The following TASOR variants were observed in gnomAD, a reference collection of about 807,000 sequenced individuals.
TASOR encodes the protein transcription activation suppressor.
Under a neutral mutation model 178.6 loss-of-function variants are expected in TASOR, and 53 were observed. The ratio of observed to expected loss-of-function variants is 0.30; its 90% CI spans 0.24 to 0.37. The LOEUF is 0.37. Among genes scored for constraint, TASOR ranks in the 10% least tolerant of loss-of-function variants. The probability of loss-of-function intolerance (pLI) is 1.00; values close to 1 mark genes in which losing one functional copy is unlikely to be tolerated. For missense variants in TASOR, 1,815 were observed against 1,971.4 expected, an observed-to-expected ratio of 0.92 and a Z score of 1.50; for synonymous variants, 713 against 696.2, an observed-to-expected ratio of 1.02 and a Z score of -0.38.
rs914129517 is a variant in TASOR at position 56,656,800 on chromosome 3, A to G, written c.1368+3931T>C. Among the ~76,000 whole-genome samples, 7 of 152,098 alleles carry G rather than the reference A, an allele frequency of 4.6e-5. No individual in the cohort carries two copies. In the East Asian group the frequency reaches 1.2e-3, roughly 25 times the overall value. ...GTCGAGGCAGGCAGATGATGAGGTC[A>G]GGAGTTCGAGACCAGCCTGACCAAC... On this transcript the variant is annotated intron_variant, in intron 11 of 23. Coordinates refer to ENST00000683822, the MANE Select transcript of TASOR (RefSeq NM_001365635.2).
At chr3:56,673,433 CAAAAAA>C (rs5849162) in intron 2 of TASOR, 141 bp downstream of exon 2, 486 of 194,486 alleles carry the variant, frequency 2.5e-3, no homozygotes, top group South Asian at 8.5e-3. Flanking sequence ...ACTCCGTCTC[CAAAAAA>C]AAAAAAAAAA....
At chr3:56,635,374 A>G (rs1400806648) in intron 17 of TASOR, among the ~76,000 whole-genome samples, 1 of 152,234 alleles carries the variant, frequency 6.6e-6, no homozygotes, top group Non-Finnish European at 1.5e-5. Flanking sequence ...AATTAGGAGT[A>G]CTAAATATCC....
chr3:56,657,301 CCAGCAACAGAGCAAGG>C (rs2077493445), intron 11 of TASOR, among the ~76,000 whole-genome samples: 1 of 150,488 alleles, frequency 6.6e-6, no homozygotes, highest in Non-Finnish European at 1.5e-5. Context: ...GCACTCCAGC[CCAGCAACAGAGCAAGG>C]CTCTGTCTCG....
At chr3:56,625,155 T>C in intron 21 of TASOR, 149 bp from the exon 22 acceptor site, 1 of 724,164 alleles carries the variant, frequency 1.4e-6, no homozygotes, top group Non-Finnish European at 2.2e-6. Context: ...GGGGGTGTGC[T>C]TCTTTGGAAA....
At chr3:56,675,790 AG>A (rs751004824) in intron 1 of TASOR, among the ~76,000 whole-genome samples, 59 of 152,242 alleles carry the variant, frequency 3.9e-4, no homozygotes, top group Non-Finnish European at 7.6e-4. Context: ...ATACTCCTAA[AG>A]GTAACAGATG....
intron 21 of TASOR, among the ~76,000 whole-genome samples, chr3:56,625,494 A>G (rs749595964): frequency 2.0e-5 from 3 of 152,112 alleles, no homozygotes; most frequent in Non-Finnish European, 4.4e-5. Flanking sequence ...CTCAAAATTC[A>G]CAATTAGCCG....
chr3:56,676,391 ATTGTC>A (rs1291190386), intron 1 of TASOR, among the ~76,000 whole-genome samples: 1 of 152,204 alleles, frequency 6.6e-6, no homozygotes, highest in East Asian at 1.9e-4. Context: ...GAAGGCATAT[ATTGTC>A]TTCATTCAAA....
In TASOR at chr3:56,633,444, A is replaced by AGAGGATTCGATGCTATCTTAGCAC. The variant is rs1301845008; in HGVS notation, c.3323_3346dup (p.Pro1115_Leu1116insArgAlaLysIleAlaSerAsnPro). On this transcript the variant is annotated inframe_insertion, in exon 18 of 24. Coordinates refer to ENST00000683822, the MANE Select transcript of TASOR (RefSeq NM_001365635.2). Reference sequence around the variant, plus strand: ...GGAAACTGGTATGACATGCCTTTCCAGAGGATTCGATGCTATCTTAGCACC... The same window carrying AGAGGATTCGATGCTATCTTAGCAC: ...GGAAACTGGTATGACATGCCTTTCCAGAGGATTCGATGCTATCTTAGCACGAGGATTCGATGCTATCTTAGCACC... 5.0e-6 allele frequency: 8 copies of AGAGGATTCGATGCTATCTTAGCAC among 1,614,016 alleles called. No individual in the cohort carries two copies. The highest frequency in any genetic ancestry group is 1.7e-6 in the Non-Finnish European group (2 of 1,179,998).
At chr3:56,623,873 C>A in intron 23 of TASOR, 1 of 1,528,640 alleles carries the variant, frequency 6.5e-7, no homozygotes, top group Non-Finnish European at 8.8e-7. Context: ...CAGTATTTGA[C>A]AAGACAAATA....
intron 2 of TASOR, among the ~76,000 whole-genome samples, chr3:56,672,914 G>A (rs1465576368): frequency 1.3e-5 from 2 of 152,128 alleles, no homozygotes; most frequent in African/African-American, 4.8e-5. Flanking sequence ...GCAACCTCAC[G>A]GGTTCAAGCA....
rs2076711822 is a variant in TASOR at position 56,622,589 on chromosome 3, C to CA, written c.*447dup. The CA allele has an allele frequency of 6.5e-6, 1 of 152,732 alleles. No individual in the cohort carries two copies. Among genetic ancestry groups the CA allele is most frequent in the African/African-American group, 2.4e-5 (1 of 41,424 alleles). The allele number at this position is 152,732 out of a possible 1,614,324, so 9.5% of individuals were successfully genotyped here. Reference sequence around the variant, plus strand: ...TTAGATAAATCTTGAGGTATCGAGCCAAAATCCTGTAAATATTAACACTGC... The same window carrying CA: ...TTAGATAAATCTTGAGGTATCGAGCCAAAAATCCTGTAAATATTAACACTGC... On this transcript the variant is annotated 3_prime_UTR_variant, in exon 24 of 24. Transcript: ENST00000683822.
intron 1 of TASOR, among the ~76,000 whole-genome samples, chr3:56,674,579 C>T (rs9835134): frequency 0.19 from 28,204 of 152,088 alleles, 3,444 homozygotes; most frequent in South Asian, 0.41. Flanking sequence ...AGTAGTAGAA[C>T]ATTTATTATG....
chr3:56,634,052 G>A, intron 17 of TASOR, 86 bp from the exon 18 acceptor site: 1 of 1,068,036 alleles, frequency 9.4e-7, no homozygotes. Context: ...GGAAAAAAGG[G>A]TTAACACACA....
chr3:56,663,696 G>A (rs2107616159), intron 7 of TASOR, 124 bp from the exon 8 acceptor site: 2 of 1,090,900 alleles, frequency 1.8e-6, no homozygotes, highest in Non-Finnish European at 1.1e-6. Context: ...CTCCAGGTAG[G>A]AAGAACAAAG....
intron 14 of TASOR, among the ~76,000 whole-genome samples, chr3:56,646,311 C>G (rs905279210): frequency 6.6e-6 from 1 of 152,158 alleles, no homozygotes; most frequent in Non-Finnish European, 1.5e-5. Flanking sequence ...GTGGGCCATA[C>G]AGTCTCAGTG....
chr3:56,669,413 G>A (rs550624796), intron 5 of TASOR, among the ~76,000 whole-genome samples: 1 of 152,108 alleles, frequency 6.6e-6, no homozygotes, highest in African/African-American at 2.4e-5. Flanking sequence ...TGAAGCAGGA[G>A]AATGGCATGA....
At position 56,628,538 on chromosome 3, in the gene TASOR, A is replaced by C; in HGVS notation, c.3824T>G (p.Leu1275Arg). The C allele has an allele frequency of 6.2e-7, 1 of 1,600,868 alleles. No homozygotes were observed. Among genetic ancestry groups the C allele is most frequent in the Non-Finnish European group, 8.5e-7 (1 of 1,169,844 alleles). Residue 1275 changes from leucine (L) to arginine (R), a missense_variant, in exon 19 of 24, where the codon CTA (leucine) becomes CGA (arginine). Leu to Arg is a moderately radical substitution (Grantham distance 102). Transcript: ENST00000683822. ...FLERRSKLDK[L>R]LIIIQNEDIA... is the part of the protein sequence containing the mutation. Reference sequence around the variant, plus strand: ...GTCTTCATTTTGAATAATAATCAATAGTTTATCTAATTTTGATCTTCTTTC... The same window carrying C: ...GTCTTCATTTTGAATAATAATCAATCGTTTATCTAATTTTGATCTTCTTTC...
chr3:56,644,652 A>G (rs2077197909), intron 14 of TASOR, among the ~76,000 whole-genome samples: 1 of 152,118 alleles, frequency 6.6e-6, no homozygotes, highest in Non-Finnish European at 1.5e-5. Context: ...AAATTAGCAA[A>G]GCAATACTGA....
rs61758809 is a variant in TASOR at position 56,633,623 on chromosome 3, C to T, written c.3168G>A (p.Glu1056=). The T allele has an allele frequency of 3.1e-3, 4,952 of 1,613,948 alleles. 13 individuals are homozygous for T. The highest frequency in any genetic ancestry group is 3.6e-3 in the Non-Finnish European group (4,273 of 1,179,958). The change falls in exon 18 of 24, where the codon GAG becomes GAA. Residue 1056 remains glutamate (E), a synonymous_variant. Coordinates refer to ENST00000683822, the MANE Select transcript of TASOR (RefSeq NM_001365635.2). ...TVSTPIFSTQ[E]KMKRLSEFIY... ...TGAACTCGGAAAGCCGTTTCATCTT[C>T]TCTTGTGTTGAAAAGATAGGTGTGG...
Sources: gnomAD v4.1 joint callset for allele counts (sites outside exome capture counted in the v4.1 genomes callset) on GRCh38, gnomAD v4.1.1 for gene constraint, MANE v1.5 for transcripts, NCBI Gene and HGNC (gene_info 2026-07-23, HGNC 2026-07-21) for gene names.